Variants in CCDC150 observed in about 807,000 individuals in gnomAD.
The protein encoded by CCDC150 is coiled-coil domain containing 150, also known as coiled-coil domain-containing protein 150.
A neutral mutation model predicts 156.5 loss-of-function variants in CCDC150; 151 were observed. The observed-to-expected ratio is 0.97, with a 90% confidence interval of 0.85 to 1.10. The LOEUF (loss-of-function observed/expected upper bound fraction) is 1.10, where lower values mean the gene tolerates loss of function less well. Ranked by LOEUF, CCDC150 falls within the 50% of genes least tolerant of loss-of-function variation. The probability of loss-of-function intolerance (pLI) is 0.00; values close to 1 mark genes in which losing one functional copy is unlikely to be tolerated. For missense variants in CCDC150, 1,312 were observed against 1,268.1 expected (o/e 1.03, Z -0.53); for synonymous variants, 452 against 429.4 (o/e 1.05, Z -0.65).
At chr2:196,713,722 A>C (rs562165439) in intron 17 of CCDC150, 1 of 1,387,354 alleles carries the variant, frequency 7.2e-7, no homozygotes, top group South Asian at 2.0e-5. Flanking sequence ...AGGAAGTTTT[A>C]AATTTATACA....
chr2:196,656,868 A>G lies in CCDC150; in HGVS notation c.397+15A>G, dbSNP rs768241654. On this transcript the variant is annotated intron_variant, in intron 3 of 27. Coordinates refer to ENST00000389175, the MANE Select transcript of CCDC150 (RefSeq NM_001080539.2). ...TCAGAAAACAGGTATAGAGATAAGAATCATCAGAAATGTGGTCCTGTATAG... is the reference window on the plus strand; with the variant it reads ...TCAGAAAACAGGTATAGAGATAAGAGTCATCAGAAATGTGGTCCTGTATAG... 2 of 1,612,784 alleles carry G rather than the reference A, an allele frequency of 1.2e-6. No individual in the cohort carries two copies. The highest frequency in any genetic ancestry group is 1.7e-6 in the Non-Finnish European group (2 of 1,179,014).
intron 9 of CCDC150, among the ~76,000 whole-genome samples, chr2:196,672,956 AG>A (rs1282217102): frequency 1.3e-5 from 2 of 152,186 alleles, no homozygotes. Flanking sequence ...GTCAAATTGG[AG>A]TTACTTATCA....
At position 196,657,629 on chromosome 2, in the gene CCDC150, G is replaced by C. The variant is rs1286854657; in HGVS notation, c.576+493G>C. 2.6e-5 allele frequency among the ~76,000 whole-genome samples: 4 copies of C among 152,284 alleles called. No individual in the cohort carries two copies. The East Asian group carries it at 7.7e-4, about 29-fold the overall frequency. On this transcript the variant is annotated intron_variant, in intron 4 of 27. Coordinates refer to ENST00000389175, the MANE Select transcript of CCDC150 (RefSeq NM_001080539.2). ...AAGGGATAGGACCTTTAGAAGCAAG[G>C]TGTAGGGGTGAAGACATTTCAAGGA...
At chr2:196,674,158 T>C (rs1380170925) in intron 9 of CCDC150, 83 bp from the exon 10 acceptor site, 12 of 805,636 alleles carry the variant, frequency 1.5e-5, no homozygotes, top group Non-Finnish European at 2.2e-5. Flanking sequence ...TGAGATACTA[T>C]GCAATCATTA....
chr2:196,674,416 C>T, intron 10 of CCDC150, 68 bp downstream of exon 10: 1 of 807,144 alleles, frequency 1.2e-6, no homozygotes, highest in Non-Finnish European at 2.0e-6. Context: ...TGTTTATGGC[C>T]AACTGGAGAA....
chr2:196,660,211 A>T (rs1693479526), intron 5 of CCDC150, among the ~76,000 whole-genome samples: 1 of 152,194 alleles, frequency 6.6e-6, no homozygotes. Flanking sequence ...CCATTCACCT[A>T]TTGAAGGACA....
Position 196,695,154 on chromosome 2 carries a change from C to T in CCDC150, c.1618C>T (p.His540Tyr), listed in dbSNP as rs773143803. The T allele has an allele frequency of 6.4e-7, 1 of 1,574,720 alleles. No individual in the cohort carries two copies. Residue 540 changes from histidine (H) to tyrosine (Y), a missense_variant, in exon 14 of 28, where the codon CAT (histidine) becomes TAT (tyrosine). Physicochemically the swap from His to Tyr is moderately conservative, Grantham distance 83. Transcript: ENST00000389175. ...LELQQVTSDYHGLAQQKVEKI... is the reference protein window; with the variant it reads ...LELQQVTSDYYGLAQQKVEKI... Reference sequence around the variant, plus strand: ...ACTTCAGCAAGTCACTTCTGATTACCATGGGGTGGGTATAAAAAGATCAGT... The same window carrying T: ...ACTTCAGCAAGTCACTTCTGATTACTATGGGGTGGGTATAAAAAGATCAGT...
At chr2:196,726,201 C>A in intron 22 of CCDC150, 102 bp downstream of exon 22, 1 of 1,342,524 alleles carries the variant, frequency 7.4e-7, no homozygotes, top group South Asian at 1.4e-5. Flanking sequence ...CTCCTCTCAT[C>A]CCCCTTTGAT....
At chr2:196,640,632 T>C (rs1218480086) in intron 1 of CCDC150, among the ~76,000 whole-genome samples, 1 of 152,246 alleles carries the variant, frequency 6.6e-6, no homozygotes, top group Non-Finnish European at 1.5e-5. Flanking sequence ...ATTGTCTCAG[T>C]GATAGCACCA....
In CCDC150 at chr2:196,639,741, T is replaced by A. The variant is rs1435730397; in HGVS notation, c.-26T>A. ...GTTCCACGGAAACCCGCTCGCCTGC[T>A]GCAGTACGGAGCCTCAGGCGGACAG... On this transcript the variant is annotated 5_prime_UTR_variant, in exon 1 of 28. Coordinates refer to ENST00000389175, the MANE Select transcript of CCDC150 (RefSeq NM_001080539.2). The A allele has an allele frequency of 6.4e-7, 1 of 1,556,466 alleles. No homozygotes were observed. The highest frequency in any genetic ancestry group is 1.2e-5 in the South Asian group (1 of 82,954).
At chr2:196,695,182 A>G in intron 14 of CCDC150, 23 bp downstream of exon 14, 1 of 1,292,590 alleles carries the variant, frequency 7.7e-7, no homozygotes, top group Non-Finnish European at 1.1e-6. Flanking sequence ...AGATCAGTCT[A>G]AATAGCAATT....
At chr2:196,661,612 A>G (rs1346069636) in intron 5 of CCDC150, among the ~76,000 whole-genome samples, 1 of 152,222 alleles carries the variant, frequency 6.6e-6, no homozygotes, top group African/African-American at 2.4e-5. Flanking sequence ...GACACAATTC[A>G]GCCTATGACA....
At position 196,674,294 on chromosome 2, in the gene CCDC150, G is replaced by C. The variant is rs758022740; in HGVS notation, c.1083G>C (p.Gln361His). The C allele has an allele frequency of 5.6e-6, 9 of 1,604,328 alleles. No homozygotes were observed. The highest frequency in any genetic ancestry group is 6.8e-6 in the Non-Finnish European group (8 of 1,175,160). ...KKCSELSCML[Q>H]TVTMEKARII... The stretch of plus-strand genomic sequence containing the variant: ...GTTCAGAGTTGAGCTGCATGCTTCA[G>C]ACTGTTACTATGGAAAAAGCCAGAA... The change falls in exon 10 of 28, where the codon CAG becomes CAC. Residue 361 changes from glutamine (Q) to histidine (H), a missense_variant. Physicochemically the swap from Gln to His is conservative, Grantham distance 24 (BLOSUM62 0). Coordinates refer to ENST00000389175, the MANE Select transcript of CCDC150 (RefSeq NM_001080539.2).
intron 15 of CCDC150, among the ~76,000 whole-genome samples, chr2:196,704,725 G>A (rs574509047): frequency 3.9e-5 from 6 of 152,086 alleles, no homozygotes; most frequent in African/African-American, 9.6e-5. Flanking sequence ...GACAGGCCCC[G>A]GGGTGTGATG....
chr2:196,646,512 A>T lies in CCDC150; in HGVS notation c.176+8A>T, dbSNP rs373298600. The T allele has an allele frequency of 6.2e-7, 1 of 1,611,530 alleles. No homozygotes were observed. The highest frequency in any genetic ancestry group is 8.5e-7 in the Non-Finnish European group (1 of 1,178,018). ...GGATTTTGGTGAAAAAAGGTAACAA[A>T]AATGAACTACATCTCTGTAGGTTGA... On this transcript the variant is annotated splice_region_variant and intron_variant, in intron 2 of 27. Coordinates refer to ENST00000389175, the MANE Select transcript of CCDC150 (RefSeq NM_001080539.2).
intron 13 of CCDC150, among the ~76,000 whole-genome samples, chr2:196,692,188 G>A (rs1480241023): frequency 7.5e-6 from 1 of 133,632 alleles, no homozygotes; most frequent in African/African-American, 2.8e-5. Context: ...ACTGCGGACT[G>A]CAGTGGCGCA....
chr2:196,681,311 G>A (rs1331060726), intron 13 of CCDC150, among the ~76,000 whole-genome samples: 2 of 152,076 alleles, frequency 1.3e-5, no homozygotes, highest in African/African-American at 4.8e-5. Context: ...CTGAGTAATG[G>A]TGATTGTATG....
rs1697688772 is a variant in CCDC150 at position 196,718,650 on chromosome 2, C to T, written c.1995+19C>T. On this transcript the variant is annotated intron_variant, in intron 18 of 27. Transcript: ENST00000389175. ...CAAGAAGGCAAGGAATCAGTCCCTTCTGACCGTCTGTCACTGAGAAGAAGC... is the reference window on the plus strand; with the variant it reads ...CAAGAAGGCAAGGAATCAGTCCCTTTTGACCGTCTGTCACTGAGAAGAAGC... The T allele has an allele frequency of 6.2e-7, 1 of 1,610,164 alleles. No homozygotes were observed. Among genetic ancestry groups the T allele is most frequent in the African/African-American group, 1.3e-5 (1 of 74,824 alleles).
intron 13 of CCDC150, among the ~76,000 whole-genome samples, chr2:196,694,426 T>C (rs1695684427): frequency 6.6e-6 from 1 of 152,134 alleles, no homozygotes; most frequent in Admixed American, 6.6e-5. Context: ...CTTTAACTTA[T>C]AGTAAAGGGG....
Sources: allele counts gnomAD v4.1 joint callset (sites outside exome capture counted in the v4.1 genomes callset), GRCh38; gene constraint gnomAD v4.1.1; transcripts MANE v1.5; gene names NCBI Gene and HGNC (gene_info 2026-07-23, HGNC 2026-07-21).